ELAPOR2: variants seen among roughly 807,000 people sequenced by gnomAD.
ELAPOR2 encodes the protein endosome/lysosome-associated apoptosis and autophagy regulator family member 2.
In ELAPOR2, 89 loss-of-function variants were observed where a neutral mutation model predicts 120.7. The observed-to-expected ratio is 0.74, with a 90% CI of 0.62 to 0.88. The LOEUF is 0.88. Ranked by LOEUF, ELAPOR2 falls within the 40% of genes least tolerant of loss-of-function variation. ELAPOR2 has a pLI of 0.00. For missense variants in ELAPOR2, 1,134 were observed against 1,251.6 expected (o/e 0.91, Z 1.42); for synonymous variants, 444 against 444.9 (o/e 1.00, Z 0.03).
intron 12 of ELAPOR2, among the ~76,000 whole-genome samples, chr7:86,915,282 A>C (rs191613269): frequency 6.6e-6 from 1 of 152,176 alleles, no homozygotes; most frequent in East Asian, 1.9e-4. Context: ...TTTCCTTCAG[A>C]GATTCTGATA....
intron 1 of ELAPOR2, among the ~76,000 whole-genome samples, chr7:87,041,043 G>C (rs370157008): frequency 6.6e-6 from 1 of 152,080 alleles, no homozygotes; most frequent in African/African-American, 2.4e-5. Context: ...TGAAATGAAG[G>C]GAGAAGGGAA....
intron 8 of ELAPOR2, among the ~76,000 whole-genome samples, chr7:86,933,143 C>T (rs1790405281): frequency 6.6e-6 from 1 of 150,614 alleles, no homozygotes; most frequent in African/African-American, 2.5e-5. Flanking sequence ...TATATATATA[C>T]AATACTATAC....
intron 1 of ELAPOR2, among the ~76,000 whole-genome samples, chr7:86,985,362 T>G (rs1792686191): frequency 6.6e-6 from 1 of 152,218 alleles, no homozygotes; most frequent in African/African-American, 2.4e-5. Flanking sequence ...ATCATCCAGA[T>G]ACCAAAGCCT....
At chr7:86,926,372 G>C (rs781224253) in intron 9 of ELAPOR2, among the ~76,000 whole-genome samples, 67 of 151,946 alleles carry the variant, frequency 4.4e-4, no homozygotes, top group Admixed American at 1.9e-3. Context: ...CCTTCTCAAT[G>C]ATGATGAGCC....
intron 16 of ELAPOR2, among the ~76,000 whole-genome samples, chr7:86,909,288 T>C (rs1789182757): frequency 1.3e-5 from 2 of 151,972 alleles, no homozygotes; most frequent in African/African-American, 4.8e-5. Context: ...CATAATAAAT[T>C]TGATCCCTAA....
At chr7:86,971,193 A>G (rs1415260946) in intron 1 of ELAPOR2, among the ~76,000 whole-genome samples, 1 of 152,212 alleles carries the variant, frequency 6.6e-6, no homozygotes, top group Non-Finnish European at 1.5e-5. Flanking sequence ...AAGTGACGCA[A>G]CTAACTCTTT....
intron 6 of ELAPOR2, among the ~76,000 whole-genome samples, chr7:86,939,700 A>G (rs1003121234): frequency 6.6e-6 from 1 of 152,126 alleles, no homozygotes; most frequent in Admixed American, 6.6e-5. Flanking sequence ...CACAACAGAC[A>G]TTTCTTGGAG....
chr7:86,999,497 T>A (rs1410851041), intron 1 of ELAPOR2, among the ~76,000 whole-genome samples: 3 of 152,130 alleles, frequency 2.0e-5, no homozygotes, highest in African/African-American at 7.2e-5. Flanking sequence ...ATGGATTGGG[T>A]ACATAAAATG....
At position 86,926,718 on chromosome 7, in the gene ELAPOR2, G is replaced by A. The variant is rs1385694180; in HGVS notation, c.1270+18C>T. 2 of 1,592,790 alleles carry A rather than the reference G, an allele frequency of 1.3e-6. No individual in the cohort carries two copies. Among genetic ancestry groups the A allele is most frequent in the Admixed American group, 1.7e-5 (1 of 57,676 alleles). On this transcript the variant is annotated intron_variant, in intron 9 of 21. Transcript: ENST00000450689. ...CATTTTGCTAAAGGCCCAGTTATTGGACCAATTGACATCCTACCTTTGGTT... is the reference window on the plus strand; with the variant it reads ...CATTTTGCTAAAGGCCCAGTTATTGAACCAATTGACATCCTACCTTTGGTT...
At chr7:86,882,238 C>T (rs1181190369) in intron 21 of ELAPOR2, among the ~76,000 whole-genome samples, 2 of 152,042 alleles carry the variant, frequency 1.3e-5, no homozygotes, top group African/African-American at 4.8e-5. Context: ...CATGACTAGA[C>T]TTTAGGGATA....
chr7:86,946,378 A>T (rs1319345247), intron 3 of ELAPOR2, among the ~76,000 whole-genome samples: 2 of 152,178 alleles, frequency 1.3e-5, no homozygotes, highest in Non-Finnish European at 2.9e-5. Flanking sequence ...ACAACTAATT[A>T]AAGAGAAATA....
chr7:86,881,217 G>A (rs905983129), intron 21 of ELAPOR2, among the ~76,000 whole-genome samples: 1 of 151,902 alleles, frequency 6.6e-6, no homozygotes. Flanking sequence ...GTATTTTTGA[G>A]ACAGGGTCTC....
At chr7:87,042,767 G>C (rs1562982880) in intron 1 of ELAPOR2, among the ~76,000 whole-genome samples, 1 of 152,022 alleles carries the variant, frequency 6.6e-6, no homozygotes, top group Admixed American at 6.6e-5. Context: ...AATCAGAGCA[G>C]AACTGAAGGA....
At chr7:86,971,037 A>G (rs1053190966) in intron 1 of ELAPOR2, among the ~76,000 whole-genome samples, 9 of 152,124 alleles carry the variant, frequency 5.9e-5, no homozygotes, top group African/African-American at 2.2e-4. Context: ...GTTTTAATGA[A>G]AGTACATAAG....
At chr7:86,935,658 G>T (rs1239998832) in intron 8 of ELAPOR2, among the ~76,000 whole-genome samples, 1 of 151,602 alleles carries the variant, frequency 6.6e-6, no homozygotes, top group African/African-American at 2.4e-5. Context: ...GAAAATCTGG[G>T]ACAGGGCCTT....
Position 86,877,487 on chromosome 7 carries a change from C to T in ELAPOR2, c.*2984G>A, listed in dbSNP as rs972250168. 3.3e-5 allele frequency: 5 copies of T among 152,176 alleles called. No individual in the cohort carries two copies. Among genetic ancestry groups the T allele is most frequent in the Non-Finnish European group, 7.3e-5 (5 of 68,030 alleles). The allele number at this position is 152,176 out of a possible 1,614,324, so 9.4% of individuals were successfully genotyped here. A position where few individuals can be genotyped will look rare whatever the true frequency, so the allele number is the denominator to read the frequency against. ...CATACTCTTAGTGTACAAAGATAAACGTGAGCAGTACACTCACTTTAAACA... is the reference window on the plus strand; with the variant it reads ...CATACTCTTAGTGTACAAAGATAAATGTGAGCAGTACACTCACTTTAAACA... On this transcript the variant is annotated 3_prime_UTR_variant, in exon 22 of 22. Coordinates refer to ENST00000450689, the MANE Select transcript of ELAPOR2 (RefSeq NM_001142749.3).
At chr7:87,021,487 A>G (rs771625277) in intron 1 of ELAPOR2, among the ~76,000 whole-genome samples, 1 of 152,144 alleles carries the variant, frequency 6.6e-6, no homozygotes, top group Non-Finnish European at 1.5e-5. Flanking sequence ...GAAACAATAT[A>G]TTTAACCAGT....
intron 4 of ELAPOR2, among the ~76,000 whole-genome samples, chr7:86,943,265 C>A (rs1298988443): frequency 1.3e-5 from 2 of 151,086 alleles, no homozygotes; most frequent in African/African-American, 4.9e-5. Flanking sequence ...TAAGTCTAAT[C>A]ACTTAGTCTC....
intron 1 of ELAPOR2, among the ~76,000 whole-genome samples, chr7:86,997,417 A>G (rs1793161447): frequency 6.6e-6 from 1 of 152,086 alleles, no homozygotes; most frequent in Non-Finnish European, 1.5e-5. Flanking sequence ...TTCATCCTCC[A>G]CCTCTCATAC....
Sources: gnomAD v4.1 joint callset for allele counts (sites outside exome capture counted in the v4.1 genomes callset) on GRCh38, gnomAD v4.1.1 for gene constraint, MANE v1.5 for transcripts, NCBI Gene and HGNC (gene_info 2026-07-23, HGNC 2026-07-21) for gene names.